The following ZNF148 variants were observed in gnomAD, a reference collection of about 807,000 sequenced individuals.
ZNF148 encodes the protein zinc finger protein 148.
In ZNF148, 7 loss-of-function variants were observed where a neutral mutation model predicts 67.7. The ratio of observed to expected loss-of-function variants is 0.10; its 90% confidence interval spans 0.06 to 0.19. The LOEUF is 0.19. Among genes scored for constraint, ZNF148 ranks in the 10% least tolerant of loss-of-function variants. ZNF148 has a pLI of 1.00. For missense variants in ZNF148, 583 were observed against 947.1 expected (o/e 0.62, Z 5.05); for synonymous variants, 333 against 330.7 (o/e 1.01, Z -0.08).
Position 125,230,159 on chromosome 3 carries a change from A to C in ZNF148, c.*2182T>G, listed in dbSNP as rs936362021. 1 of 152,506 alleles carries C rather than the reference A, an allele frequency of 6.6e-6. No homozygotes were observed. The highest frequency in any genetic ancestry group is 2.4e-5 in the African/African-American group (1 of 41,410). 9.4% of individuals were successfully genotyped at this position (152,506 alleles called of 1,614,324 possible). A position where few individuals can be genotyped will look rare whatever the true frequency, so the allele number is the denominator to read the frequency against. On this transcript the variant is annotated 3_prime_UTR_variant, in exon 9 of 9. Transcript: ENST00000360647. ...TGGTGATGTTAAAACAACCGAAAAA[A>C]ACCTCTCCACTGTATCAAAATTGCA...
chr3:125,317,662 T>TATATATATATATATAGAGAGAGAGAG (rs752542874), intron 3 of ZNF148, among the ~76,000 whole-genome samples: 4 of 90,052 alleles, frequency 4.4e-5, no homozygotes, highest in African/African-American at 9.0e-5. Context: ...TATATATATA[T>TATATATATATATATAGAGAGAGAGAG]AGAGAGAGAG....
At chr3:125,279,857 G>A (rs1938283449) in intron 5 of ZNF148, among the ~76,000 whole-genome samples, 1 of 152,088 alleles carries the variant, frequency 6.6e-6, no homozygotes, top group Non-Finnish European at 1.5e-5. Flanking sequence ...AACTACTTGA[G>A]AAGGATATAT....
At position 125,233,597 on chromosome 3, in the gene ZNF148, G is replaced by A; in HGVS notation, c.1129C>T (p.His377Tyr). Residue 377 changes from histidine to tyrosine, a missense_variant, in exon 9 of 9, where the codon CAT becomes TAT. Around this residue, in one of 5 missense-constraint regions of ZNF148, gnomAD observed 172 missense variants for 307.7 expected, o/e 0.56. Coordinates refer to ENST00000360647, the MANE Select transcript of ZNF148 (RefSeq NM_021964.3). The surrounding 1 kb of genome is among the most constrained non-coding windows in gnomAD (Gnocchi z 5.1). ...EMPHSSVGGSHLEDASGEIHP... is the reference protein window; with the variant it reads ...EMPHSSVGGSYLEDASGEIHP... ...ATTTCTCCTGACGCATCTTCTAAAT[G>A]CGAGCCCCCAACTGACGAATGTGGC... 6.2e-6 allele frequency: 10 copies of A among 1,613,912 alleles called. No homozygotes were observed. Among genetic ancestry groups the A allele is most frequent in the Non-Finnish European group, 8.5e-6 (10 of 1,179,938 alleles).
At chr3:125,295,626 G>T (rs1345559584) in intron 4 of ZNF148, among the ~76,000 whole-genome samples, 1 of 152,168 alleles carries the variant, frequency 6.6e-6, no homozygotes, top group Non-Finnish European at 1.5e-5. Flanking sequence ...CAGTTTCAAA[G>T]AGTAATACTA....
In ZNF148 at chr3:125,229,394, G is replaced by C. The variant is rs565778014; in HGVS notation, c.*2947C>G. On this transcript the variant is annotated 3_prime_UTR_variant, in exon 9 of 9. Coordinates refer to ENST00000360647, the MANE Select transcript of ZNF148 (RefSeq NM_021964.3). ...ATAAAAATGACCTGACCGATGGCTGGCACCCTCAGCCAGAGCTAAGAAGAT... is the reference window on the plus strand; with the variant it reads ...ATAAAAATGACCTGACCGATGGCTGCCACCCTCAGCCAGAGCTAAGAAGAT... 9.2e-5 allele frequency: 14 copies of C among 152,114 alleles called. No individual in the cohort carries two copies. The highest frequency in any genetic ancestry group is 9.2e-4 in the Admixed American group (14 of 15,268). 9.4% of individuals were successfully genotyped at this position (152,114 alleles called of 1,614,324 possible). A position where few individuals can be genotyped will look rare whatever the true frequency, so the allele number is the denominator to read the frequency against.
At chr3:125,241,610 A>T (rs1055566701) in intron 7 of ZNF148, among the ~76,000 whole-genome samples, 5 of 152,198 alleles carry the variant, frequency 3.3e-5, no homozygotes, top group African/African-American at 9.7e-5. Context: ...ATTCTTTCTG[A>T]CAGCGGATGT....
At chr3:125,246,441 G>T (rs1483744038) in intron 7 of ZNF148, among the ~76,000 whole-genome samples, 1 of 152,160 alleles carries the variant, frequency 6.6e-6, no homozygotes, top group Non-Finnish European at 1.5e-5. Context: ...TTTAATGCTG[G>T]TCTCAGCATT....
chr3:125,278,783 T>C (rs1938210807), intron 6 of ZNF148, among the ~76,000 whole-genome samples: 1 of 152,212 alleles, frequency 6.6e-6, no homozygotes, highest in African/African-American at 2.4e-5. Flanking sequence ...TCCAAATCCA[T>C]GTTTTAAACT....
At chr3:125,267,790 C>G (rs1296983581) in intron 7 of ZNF148, among the ~76,000 whole-genome samples, 1 of 152,154 alleles carries the variant, frequency 6.6e-6, no homozygotes, top group Non-Finnish European at 1.5e-5. Flanking sequence ...CTCAAATTAT[C>G]TCTCTTTGCT....
intron 1 of ZNF148, among the ~76,000 whole-genome samples, chr3:125,370,340 ATACCCCCAAAG>A (rs1428018528): frequency 6.6e-6 from 1 of 152,132 alleles, no homozygotes; most frequent in Non-Finnish European, 1.5e-5. Flanking sequence ...TTTGCCTACA[ATACCCCCAAAG>A]TACTCAGCAA....
intron 1 of ZNF148, among the ~76,000 whole-genome samples, chr3:125,366,842 T>TA (rs914003628): frequency 5.6e-4 from 83 of 148,508 alleles, no homozygotes; most frequent in Admixed American, 2.5e-3. Flanking sequence ...ATCCAAAACT[T>TA]AAAAAAAAAA....
rs550178915 is a variant in ZNF148 at position 125,241,564 on chromosome 3, T to C, written c.668-7235A>G. 1.6e-4 allele frequency among the ~76,000 whole-genome samples: 24 copies of C among 152,298 alleles called. No individual in the cohort carries two copies. In the East Asian group the frequency reaches 4.4e-3, roughly 28 times the overall value. Reference sequence around the variant, plus strand: ...TCTTTTTCCTTCAGTCAACAATGTATTTTGGAGATCTTAGCAGCAGAAAGA... The same window carrying C: ...TCTTTTTCCTTCAGTCAACAATGTACTTTGGAGATCTTAGCAGCAGAAAGA... On this transcript the variant is annotated intron_variant, in intron 7 of 8. Coordinates refer to ENST00000360647, the MANE Select transcript of ZNF148 (RefSeq NM_021964.3).
intron 4 of ZNF148, among the ~76,000 whole-genome samples, chr3:125,310,339 A>C (rs1940134074): frequency 6.6e-6 from 1 of 152,108 alleles, no homozygotes; most frequent in South Asian, 2.1e-4. Flanking sequence ...TTAGCCTCCC[A>C]AAGTGCTGAG....
chr3:125,269,205 C>CAAAAA lies in ZNF148; in HGVS notation c.667+8516_667+8520dup, dbSNP rs71148173. Among the ~76,000 whole-genome samples, 422 of 96,816 alleles carry CAAAAA rather than the reference C, an allele frequency of 4.4e-3. 5 individuals carry two copies. The highest frequency in any genetic ancestry group is 6.0e-3 in the Non-Finnish European group (311 of 51,538). 63.5% of individuals were successfully genotyped at this position (96,816 alleles called of 152,430 possible). A position where few individuals can be genotyped will look rare whatever the true frequency, so the allele number is the denominator to read the frequency against. On this transcript the variant is annotated intron_variant, in intron 7 of 8. Coordinates refer to ENST00000360647, the MANE Select transcript of ZNF148 (RefSeq NM_021964.3). The stretch of plus-strand genomic sequence containing the variant: ...CAACATGGTGAAGCCCGGTCTCTAC[C>CAAAAA]AAAAAAAAAAAAAAAAAAAGCAAAA...
chr3:125,233,017 C>G lies in ZNF148; in HGVS notation c.1709G>C (p.Ser570Thr). The change falls in exon 9 of 9, where the codon AGC becomes ACC. Residue 570 changes from serine to threonine, a missense_variant. Transcript: ENST00000360647. The surrounding 1 kb of genome is among the most constrained non-coding windows in gnomAD (Gnocchi z 5.1). ...FSVADTEVTSSISINSSEVPE... is the reference protein window; with the variant it reads ...FSVADTEVTSTISINSSEVPE... ...TACTTCTGAAGAATTTATTGATATG[C>G]TAGAAGTCACTTCAGTATCTGCAAC... 1.2e-6 allele frequency: 2 copies of G among 1,613,554 alleles called. No homozygotes were observed. The highest frequency in any genetic ancestry group is 1.7e-6 in the Non-Finnish European group (2 of 1,179,830).
chr3:125,350,101 T>C (rs1942085069), intron 1 of ZNF148, among the ~76,000 whole-genome samples: 4 of 152,212 alleles, frequency 2.6e-5, no homozygotes, highest in Admixed American at 6.5e-5. Flanking sequence ...ATAGAACTAC[T>C]GTATGTTCCA....
intron 7 of ZNF148, among the ~76,000 whole-genome samples, chr3:125,243,042 G>C (rs557658458): frequency 1.3e-5 from 2 of 152,310 alleles, no homozygotes; most frequent in South Asian, 4.1e-4. Context: ...GAATTAGAGG[G>C]AGGAGAGTTC....
chr3:125,271,284 T>A (rs1291032929), intron 7 of ZNF148, among the ~76,000 whole-genome samples: 3 of 152,172 alleles, frequency 2.0e-5, no homozygotes, highest in South Asian at 2.1e-4. Context: ...TCCCCGTCCT[T>A]CCTGCTTTCC....
At chr3:125,329,232 T>C (rs1371461713) in intron 2 of ZNF148, among the ~76,000 whole-genome samples, 1 of 148,674 alleles carries the variant, frequency 6.7e-6, no homozygotes, top group East Asian at 1.9e-4. Flanking sequence ...TATAAATATA[T>C]GTATAGATAT....
Sources: gnomAD v4.1 joint callset for allele counts (sites outside exome capture counted in the v4.1 genomes callset) on GRCh38, gnomAD v4.1.1 for gene constraint, gnomAD v4.1.1 regional missense constraint, Gnocchi (gnomAD v3.1) non-coding constraint, MANE v1.5 for transcripts, NCBI Gene and HGNC (gene_info 2026-07-23, HGNC 2026-07-21) for gene names.